TAF6: variants seen among roughly 807,000 people sequenced by gnomAD.
The protein encoded by TAF6 is transcription initiation factor TFIID subunit 6.
In TAF6, 50 loss-of-function variants were observed where a neutral mutation model predicts 73.5. The observed-to-expected ratio is 0.68, with a 90% CI of 0.54 to 0.86. TAF6 has a LOEUF of 0.86. TAF6 is among the 40% of genes least tolerant of loss of function. The pLI is 0.00. For missense variants in TAF6, 768 were observed against 899.5 expected (o/e 0.85, Z 1.87); for synonymous variants, 424 against 376.7 (o/e 1.13, Z -1.45).
rs1053495265 is a variant in TAF6, at chr7:100,119,029, C to G, written c.-60+175G>C. On this transcript the variant is annotated intron_variant, in intron 1 of 14. Transcript: ENST00000453269. ...CAGGATCTCCTCAGATCAGTGGAGGCGGCAGGAAGGCGTCCCAGGGAAGGG... is the reference window on the plus strand; with the variant it reads ...CAGGATCTCCTCAGATCAGTGGAGGGGGCAGGAAGGCGTCCCAGGGAAGGG... 4.0e-5 allele frequency: 39 copies of G among 985,692 alleles called. No homozygotes were observed. The East Asian group carries it at 3.6e-3, about 92-fold the overall frequency. 61.1% of individuals were successfully genotyped at this position (985,692 alleles called of 1,614,324 possible).
chr7:100,119,881 C>A, upstream of TAF6: 1 of 1,584,804 alleles, frequency 6.3e-7, no homozygotes, highest in Admixed American at 1.9e-5. Context: ...AGGGGGTAGC[C>A]CCTATAGGCA....
intron 1 of TAF6, chr7:100,114,628 G>A (rs1383111099): frequency 1.6e-5 from 7 of 442,494 alleles, no homozygotes; most frequent in Admixed American, 1.1e-4. Context: ...ACTAAGGCAC[G>A]AGAATCACTT....
At chr7:100,120,494 G>C (rs1019684144), upstream of TAF6, 1 of 152,316 alleles carries the variant, frequency 6.6e-6, no homozygotes, top group African/African-American at 2.4e-5. Context: ...TGATGCCCTA[G>C]TTTGCTGCCC....
At chr7:100,121,073 A>G (rs1402022951), upstream of TAF6, 3 of 90,008 alleles carry the variant, frequency 3.3e-5, no homozygotes, top group African/African-American at 4.6e-5. Context: ...TACTATTATT[A>G]TCCAATTGTA....
Position 100,119,284 on chromosome 7 carries a change from C to T in TAF6, c.-140G>A, listed in dbSNP as rs1474664342. 9.8e-7 allele frequency: 1 copy of T among 1,020,904 alleles called. No individual in the cohort carries two copies. The highest frequency in any genetic ancestry group is 1.7e-5 in the African/African-American group (1 of 57,518). 63.2% of individuals were successfully genotyped at this position (1,020,904 alleles called of 1,614,324 possible). On this transcript the variant is annotated 5_prime_UTR_variant, in exon 1 of 15. Coordinates refer to ENST00000453269, the MANE Select transcript of TAF6 (RefSeq NM_139315.3). Reference sequence around the variant, plus strand: ...CTCAGACCCGCCCCCGCCACCCGAGCGCGGGGAGCAGGAAAACTCTAGCGG... The same window carrying T: ...CTCAGACCCGCCCCCGCCACCCGAGTGCGGGGAGCAGGAAAACTCTAGCGG...
the TAF6 span, among the ~76,000 whole-genome samples, chr7:100,125,719 A>G: frequency 6.6e-6 from 1 of 151,956 alleles, no homozygotes; most frequent in African/African-American, 2.4e-5. Flanking sequence ...AGAGGTGGAG[A>G]TGGGAGGATC....
chr7:100,122,836 A>T, upstream of TAF6: 1 of 1,613,984 alleles, frequency 6.2e-7, no homozygotes, highest in South Asian at 1.1e-5. Context: ...AAGGGGGTGA[A>T]GGTGGATCTG....
At chr7:100,107,783 A>G in intron 14 of TAF6, 143 bp downstream of exon 14, 2 of 1,364,240 alleles carry the variant, frequency 1.5e-6, no homozygotes, top group Admixed American at 2.7e-5. Context: ...GGGCAGCTAC[A>G]GCCCTGCAGG....
chr7:100,109,957 G>GCT lies in TAF6; in HGVS notation c.1273_1274dup (p.Ser425ArgfsTer5), dbSNP rs764796418. 6.2e-7 allele frequency: 1 copy of GCT among 1,614,132 alleles called. No individual in the cohort carries two copies. Among genetic ancestry groups the GCT allele is most frequent in the South Asian group, 1.1e-5 (1 of 91,080 alleles). ...CAGGGGCTTCAGTCACCAGCAGGAG[G>GCT]CTCTGCACATGGTCTGCTCCAATCC... is the stretch of plus-strand genomic sequence containing the variant. On this transcript the variant is annotated frameshift_variant, in exon 12 of 15. Coordinates refer to ENST00000453269, the MANE Select transcript of TAF6 (RefSeq NM_139315.3). LOFTEE classifies it high-confidence loss of function.
At chr7:100,120,009 G>A, upstream of TAF6, 1 of 661,472 alleles carries the variant, frequency 1.5e-6, no homozygotes, top group Non-Finnish European at 2.4e-6. Flanking sequence ...ATTTGGATGG[G>A]GTCAAGGAAG....
At chr7:100,120,834 C>T (rs1182569832), upstream of TAF6, among the ~76,000 whole-genome samples, 1 of 151,976 alleles carries the variant, frequency 6.6e-6, no homozygotes, top group East Asian at 1.9e-4. Context: ...GAGTTCAGGC[C>T]CAGCTTCACC....
upstream of TAF6, chr7:100,119,541 C>A: frequency 7.3e-7 from 1 of 1,374,746 alleles, no homozygotes; most frequent in Non-Finnish European, 9.7e-7. Context: ...ACCCGGCTGC[C>A]AGGACCTTCA....
chr7:100,121,824 G>A (rs1798079120), upstream of TAF6, among the ~76,000 whole-genome samples: 1 of 151,828 alleles, frequency 6.6e-6, no homozygotes, highest in Admixed American at 6.5e-5. Context: ...GCCAAGGCGG[G>A]CGGATCACAA....
At chr7:100,114,337 G>T (rs1165412313) in intron 1 of TAF6, 69 bp from the exon 2 acceptor site, 2 of 1,476,280 alleles carry the variant, frequency 1.4e-6, no homozygotes, top group African/African-American at 1.4e-5. Flanking sequence ...AACAAAGGGA[G>T]GACAGTGGAG....
At chr7:100,121,112 ATATATTTTTTTTTTTTTTTT>A (rs1798041933), upstream of TAF6, 2 of 30,710 alleles carry the variant, frequency 6.5e-5, no homozygotes, top group East Asian at 5.7e-4. Context: ...ATATATATAT[ATATATTTTTTTTTTTTTTTT>A]TTTTTTTTTT....
At chr7:100,112,745 G>A (rs1417836687) in intron 6 of TAF6, 53 bp downstream of exon 6, 5 of 1,534,366 alleles carry the variant, frequency 3.3e-6, no homozygotes, top group Admixed American at 2.2e-5. Flanking sequence ...CAAAACAAAC[G>A]GCCATGTGGC....
At chr7:100,118,496 A>C (rs1797869073) in intron 1 of TAF6, 1 of 152,122 alleles carries the variant, frequency 6.6e-6, no homozygotes, top group African/African-American at 2.4e-5. Context: ...CATTTCTGCA[A>C]AAATTAAAAA....
chr7:100,108,209 TC>T, intron 13 of TAF6, 86 bp from the exon 14 acceptor site: 1 of 1,474,636 alleles, frequency 6.8e-7, no homozygotes. Flanking sequence ...CCCTCGCTCT[TC>T]CTCAGTGGCT....
At chr7:100,109,250 A>T (rs1222501439) in intron 12 of TAF6, among the ~76,000 whole-genome samples, 1 of 151,342 alleles carries the variant, frequency 6.6e-6, no homozygotes, top group African/African-American at 2.4e-5. Context: ...CTTGAACCTG[A>T]GAGGCAGAGG....
Sources: gnomAD v4.1 joint callset for allele counts (sites outside exome capture counted in the v4.1 genomes callset) on GRCh38, gnomAD v4.1.1 for gene constraint, MANE v1.5 for transcripts, NCBI Gene and HGNC (gene_info 2026-07-23, HGNC 2026-07-21) for gene names.